HDAC4: variants seen among roughly 807,000 people sequenced by gnomAD.
HDAC4 encodes histone deacetylase 4, also known as histone deacetylase A.
In HDAC4, 16 loss-of-function variants were observed where a neutral mutation model predicts 135.1. That is an observed-to-expected ratio of 0.12 (90% CI 0.08 to 0.18). The LOEUF (loss-of-function observed/expected upper bound fraction) is 0.18, where lower values mean the gene tolerates loss of function less well. Among genes scored for constraint, HDAC4 ranks in the 10% least tolerant of loss-of-function variants. HDAC4 has a pLI of 1.00. For missense variants in HDAC4, 1,143 were observed against 1,511.8 expected (o/e 0.76, Z 4.05); for synonymous variants, 685 against 653.4 (o/e 1.05, Z -0.74).
chr2:239,149,035 G>T (rs948526560), intron 7 of HDAC4, among the ~76,000 whole-genome samples: 1 of 152,224 alleles, frequency 6.6e-6, no homozygotes, highest in Non-Finnish European at 1.5e-5. Flanking sequence ...GGCAGTCAGG[G>T]ACGGCCGTTC....
At chr2:239,220,661 G>A (rs564064010) in intron 3 of HDAC4, among the ~76,000 whole-genome samples, 70 of 152,178 alleles carry the variant, frequency 4.6e-4, no homozygotes, top group African/African-American at 1.5e-3. Context: ...CCACGTATCC[G>A]GCTACCACAA....
At position 239,068,416 on chromosome 2, in the gene HDAC4, C is replaced by T; in HGVS notation, c.2869+73G>A. On this transcript the variant is annotated intron_variant, in intron 23 of 26. Coordinates refer to ENST00000543185, the MANE Select transcript of HDAC4 (RefSeq NM_001378414.1). The surrounding 1 kb of genome is among the most constrained non-coding windows in gnomAD (Gnocchi z 4.4). The stretch of plus-strand genomic sequence containing the variant: ...CCTTATCTCGTTATTAAAAAGGGGA[C>T]CTGACACGCGGAACACAGCGGATCA... 1 of 1,083,068 alleles carries T rather than the reference C, an allele frequency of 9.2e-7. No homozygotes were observed. Among genetic ancestry groups the T allele is most frequent in the Non-Finnish European group, 1.4e-6 (1 of 697,746 alleles). The allele number at this position is 1,083,068 out of a possible 1,614,324, so 67.1% of individuals were successfully genotyped here.
intron 5 of HDAC4, among the ~76,000 whole-genome samples, chr2:239,170,657 C>CTA (rs1162518822): frequency 3.9e-5 from 6 of 152,108 alleles, no homozygotes; most frequent in Non-Finnish European, 7.3e-5. Flanking sequence ...TCAATTAAAC[C>CTA]TACTGGAAAT....
chr2:239,070,146 G>C (rs890609201), intron 22 of HDAC4, among the ~76,000 whole-genome samples: 1 of 152,214 alleles, frequency 6.6e-6, no homozygotes, highest in Non-Finnish European at 1.5e-5. Context: ...CCTAGTGCTG[G>C]GACTGAGTGT....
chr2:239,259,459 ACAAAACAACAACAAC>A (rs2049225570), intron 2 of HDAC4, among the ~76,000 whole-genome samples: 1 of 152,194 alleles, frequency 6.6e-6, no homozygotes, highest in South Asian at 2.1e-4. Flanking sequence ...CAAAACAACA[ACAAAACAACAACAAC>A]CAAAAAAACA....
At chr2:239,098,666 T>C (rs1337585865) in intron 16 of HDAC4, among the ~76,000 whole-genome samples, 1 of 152,194 alleles carries the variant, frequency 6.6e-6, no homozygotes, top group Non-Finnish European at 1.5e-5. Context: ...TGAAGGCCCT[T>C]GCACACGGCT....
At chr2:239,319,592 C>T (rs1337937124) in intron 2 of HDAC4, among the ~76,000 whole-genome samples, 1 of 152,200 alleles carries the variant, frequency 6.6e-6, no homozygotes, top group Admixed American at 6.5e-5. Context: ...CAGGCAGGAA[C>T]CTGGCAAAGA....
intron 2 of HDAC4, chr2:239,305,576 A>G (rs2052532808): frequency 6.5e-6 from 1 of 152,724 alleles, no homozygotes; most frequent in Non-Finnish European, 1.5e-5. Flanking sequence ...TTATTGTTGT[A>G]TATTTTTTAA....
At chr2:239,117,146 C>T (rs962994061) in intron 12 of HDAC4, among the ~76,000 whole-genome samples, 12 of 152,194 alleles carry the variant, frequency 7.9e-5, no homozygotes, top group Middle Eastern at 3.2e-3. Context: ...GACCTCAATG[C>T]GCTCTGGGAG....
intron 9 of HDAC4, among the ~76,000 whole-genome samples, chr2:239,135,902 G>C (rs115253975): frequency 1.3e-5 from 2 of 152,134 alleles, no homozygotes; most frequent in Non-Finnish European, 2.9e-5. Flanking sequence ...TTAAAGAATG[G>C]GCTTGGATAA....
At chr2:239,364,345 A>G (rs1184830524) in intron 1 of HDAC4, among the ~76,000 whole-genome samples, 2 of 152,258 alleles carry the variant, frequency 1.3e-5, no homozygotes, top group African/African-American at 2.4e-5. Context: ...ACCATACAGC[A>G]GTAAAAATAA....
chr2:239,081,164 T>G lies in HDAC4; in HGVS notation c.2681A>C (p.Asn894Thr). Residue 894 changes from asparagine to threonine, a missense_variant, in exon 22 of 27, where the codon AAC (asparagine) becomes ACC (threonine). Around this residue, in one of 9 missense-constraint regions of HDAC4, gnomAD observed 189 missense variants for 317.6 expected, o/e 0.60. Coordinates refer to ENST00000543185, the MANE Select transcript of HDAC4 (RefSeq NM_001378414.1). ...EVGTGPGVGF[N>T]VNMAFTGGLD... ...GCCGCCGGTGAAAGCCATGTTGACG[T>G]TGAAACCCACGCCGGGCCCTGTGCC... 6.2e-7 allele frequency: 1 copy of G among 1,613,868 alleles called. No homozygotes were observed. Among genetic ancestry groups the G allele is most frequent in the Non-Finnish European group, 8.5e-7 (1 of 1,179,990 alleles).
intron 3 of HDAC4, among the ~76,000 whole-genome samples, chr2:239,204,377 G>A (rs1275579330): frequency 2.6e-5 from 4 of 152,208 alleles, no homozygotes; most frequent in Non-Finnish European, 5.9e-5. Flanking sequence ...GAATACACAG[G>A]GCTCCGTAGG....
chr2:239,171,880 T>C (rs142209866), intron 5 of HDAC4, among the ~76,000 whole-genome samples: 112 of 152,264 alleles, frequency 7.4e-4, no homozygotes, highest in African/African-American at 2.5e-3. Context: ...AATACAAACC[T>C]AGAATTCTAT....
chr2:239,129,180 G>C (rs2040399510), intron 11 of HDAC4, among the ~76,000 whole-genome samples: 1 of 152,198 alleles, frequency 6.6e-6, no homozygotes. Context: ...GCTGCCTCCA[G>C]GGTGCAAAAC....
At chr2:239,218,648 C>T (rs1374950913) in intron 3 of HDAC4, among the ~76,000 whole-genome samples, 5 of 149,584 alleles carry the variant, frequency 3.3e-5, no homozygotes, top group Non-Finnish European at 7.5e-5. Flanking sequence ...AGCTTCTGCA[C>T]AGCAAAAGAA....
At chr2:239,330,594 C>T (rs894752440) in intron 2 of HDAC4, among the ~76,000 whole-genome samples, 2 of 152,234 alleles carry the variant, frequency 1.3e-5, no homozygotes, top group Non-Finnish European at 2.9e-5. Context: ...AGAAGTGGCA[C>T]AGGTCAGCCA....
rs1182575350 is a variant in HDAC4, at chr2:239,110,032, G to A, written c.1978+1494C>T. On this transcript the variant is annotated intron_variant, in intron 14 of 26. Transcript: ENST00000543185. ...GGCTAAAGGAACGCACTGCGTCGCT[G>A]TGCACGGACACGGGAAGATGGCTGA... is the stretch of plus-strand genomic sequence containing the variant. 3.3e-5 allele frequency among the ~76,000 whole-genome samples: 5 copies of A among 152,192 alleles called. No individual in the cohort carries two copies. In the East Asian group the frequency reaches 7.7e-4, roughly 23 times the overall value.
chr2:239,319,087 G>T (rs747701111), intron 2 of HDAC4, among the ~76,000 whole-genome samples: 2 of 151,732 alleles, frequency 1.3e-5, no homozygotes, highest in Non-Finnish European at 2.9e-5. Context: ...ACTCTCAGAC[G>T]AACAAAAAAC....
Sources: allele counts gnomAD v4.1 joint callset (sites outside exome capture counted in the v4.1 genomes callset), GRCh38; gene constraint gnomAD v4.1.1; regional missense constraint gnomAD v4.1.1; non-coding constraint Gnocchi (gnomAD v3.1); transcripts MANE v1.5; gene names NCBI Gene and HGNC (gene_info 2026-07-23, HGNC 2026-07-21).